Variants in AKAIN1 observed in about 807,000 individuals in gnomAD.
AKAIN1 encodes the protein A-kinase anchor inhibitor 1.
In AKAIN1, 3 loss-of-function variants were observed where a neutral mutation model predicts 3.7. The observed-to-expected ratio is 0.82, with a 90% CI of 0.37 to 2.12. The LOEUF is 2.12. AKAIN1 is among the 30% of genes most tolerant of loss of function. The pLI, the probability that AKAIN1 is intolerant of heterozygous loss-of-function variation, is 0.06. For missense variants in AKAIN1, 82 were observed against 82.7 expected (o/e 0.99, Z 0.03); for synonymous variants, 31 against 30.8 (o/e 1.01, Z -0.02).
intron 1 of AKAIN1, among the ~76,000 whole-genome samples, chr18:5,189,539 T>C (rs1455918552): frequency 1.3e-5 from 2 of 152,196 alleles, no homozygotes; most frequent in Non-Finnish European, 2.9e-5. Flanking sequence ...AATTCATCAC[T>C]CTTAAATTCT....
In AKAIN1 at chr18:5,145,647, T is replaced by C; in HGVS notation, c.125A>G (p.Gln42Arg). 3.2e-6 allele frequency: 5 copies of C among 1,551,668 alleles called. No homozygotes were observed. Among genetic ancestry groups the C allele is most frequent in the Non-Finnish European group, 4.4e-6 (5 of 1,146,920 alleles). ...GTCACTGATTCTCTCTTCTCTGCGC[T>C]GACTCTCCTGGGAGACTTGCTGCAC... ...QAVQQVSQES[Q>R]RREERISDNR... is the part of the protein sequence containing the mutation. The change falls in exon 2 of 2, where the codon CAG becomes CGG. Residue 42 changes from glutamine to arginine, a missense_variant. By Grantham distance (43) the Gln-to-Arg change is conservative (BLOSUM62 1). Coordinates refer to ENST00000434239, the MANE Select transcript of AKAIN1 (RefSeq NM_001145194.2).
chr18:5,196,959 G>A (rs1018675172), intron 1 of AKAIN1, 79 bp downstream of exon 1: 30 of 1,250,688 alleles, frequency 2.4e-5, no homozygotes, highest in Non-Finnish European at 3.2e-5. Context: ...AAGGTAAAGA[G>A]GCCTTTTTTC....
chr18:5,173,531 T>C (rs971763102), intron 1 of AKAIN1, among the ~76,000 whole-genome samples: 3 of 152,144 alleles, frequency 2.0e-5, no homozygotes, highest in African/African-American at 4.8e-5. Context: ...TCAAGACAAC[T>C]GGTGGGGTGT....
At chr18:5,166,834 T>A (rs1470387686) in intron 1 of AKAIN1, among the ~76,000 whole-genome samples, 2 of 152,106 alleles carry the variant, frequency 1.3e-5, no homozygotes, top group African/African-American at 4.8e-5. Flanking sequence ...AGCATCTGTT[T>A]CCTCTTGAAT....
intron 1 of AKAIN1, among the ~76,000 whole-genome samples, chr18:5,174,920 A>G (rs528995549): frequency 6.6e-6 from 1 of 152,092 alleles, no homozygotes; most frequent in South Asian, 2.1e-4. Flanking sequence ...GATTTGAGGG[A>G]CTATCCTGTG....
chr18:5,183,592 C>A (rs551782414), intron 1 of AKAIN1, among the ~76,000 whole-genome samples: 15 of 151,620 alleles, frequency 9.9e-5, no homozygotes, highest in Non-Finnish European at 1.5e-4. Context: ...TAAAAAAAAA[C>A]CCAGTGTTGA....
intron 1 of AKAIN1, among the ~76,000 whole-genome samples, chr18:5,174,959 G>A (rs1335965974): frequency 1.3e-5 from 2 of 152,090 alleles, no homozygotes; most frequent in Non-Finnish European, 2.9e-5. Flanking sequence ...AGCATTCCTA[G>A]CCTCCCTTGA....
chr18:5,194,943 A>T (rs1215655268), intron 1 of AKAIN1, among the ~76,000 whole-genome samples: 11 of 152,210 alleles, frequency 7.2e-5, no homozygotes, highest in Non-Finnish European at 5.9e-5. Flanking sequence ...GCAAGAAATG[A>T]GGTTGCAGTG....
At chr18:5,162,816 G>A (rs1194159697) in intron 1 of AKAIN1, among the ~76,000 whole-genome samples, 2 of 151,970 alleles carry the variant, frequency 1.3e-5, no homozygotes, top group Admixed American at 6.6e-5. Context: ...AGAGAACAAA[G>A]GGAAAAGTGA....
chr18:5,164,017 A>T (rs2071154083), intron 1 of AKAIN1, among the ~76,000 whole-genome samples: 1 of 152,036 alleles, frequency 6.6e-6, no homozygotes, highest in South Asian at 2.1e-4. Flanking sequence ...GTGTACTTCT[A>T]TCAAGTGAAC....
chr18:5,170,404 C>A (rs550339912), intron 1 of AKAIN1, among the ~76,000 whole-genome samples: 1 of 152,204 alleles, frequency 6.6e-6, no homozygotes, highest in East Asian at 1.9e-4. Flanking sequence ...ATCATGGCCC[C>A]AGTTCTTTCA....
rs1400479489 is a variant in AKAIN1 at position 5,144,587 on chromosome 18, C to T, written c.*975G>A. Among the ~76,000 whole-genome samples, 3 of 152,118 alleles carry T rather than the reference C, an allele frequency of 2.0e-5. No homozygotes were observed. Among genetic ancestry groups the T allele is most frequent in the African/African-American group, 7.2e-5 (3 of 41,416 alleles). ...ATGTATTCCTGACCTGTATGATTTT[C>T]ATAATCTCAAAAAAAAAATTTAATG... On this transcript the variant is annotated 3_prime_UTR_variant, in exon 2 of 2. Coordinates refer to ENST00000434239, the MANE Select transcript of AKAIN1 (RefSeq NM_001145194.2).
intron 1 of AKAIN1, 95 bp from the exon 2 acceptor site, chr18:5,145,850 G>A: frequency 9.6e-7 from 1 of 1,040,698 alleles, no homozygotes. Flanking sequence ...AGGGAAGAGT[G>A]AGACTGTAAG....
intron 1 of AKAIN1, among the ~76,000 whole-genome samples, chr18:5,189,756 C>CTTT (rs112388700): frequency 6.7e-6 from 1 of 148,688 alleles, no homozygotes; most frequent in Admixed American, 6.7e-5. Context: ...CTACAGCTCT[C>CTTT]TTTTTTTTTT....
At chr18:5,196,962 CT>C (rs1369153022) in intron 1 of AKAIN1, 75 bp downstream of exon 1, 10 of 1,335,284 alleles carry the variant, frequency 7.5e-6, no homozygotes, top group South Asian at 2.5e-5. Flanking sequence ...GTAAAGAGGC[CT>C]TTTTTCCCTC....
chr18:5,170,889 G>A (rs1199910245), intron 1 of AKAIN1: 2 of 152,176 alleles, frequency 1.3e-5, no homozygotes, highest in South Asian at 2.1e-4. Context: ...CCACATGCAA[G>A]TGTTCCAATC....
At chr18:5,195,908 C>G (rs559980809) in intron 1 of AKAIN1, among the ~76,000 whole-genome samples, 2 of 152,268 alleles carry the variant, frequency 1.3e-5, no homozygotes, top group African/African-American at 4.8e-5. Context: ...CCAGAGCCTA[C>G]AGAAACTCAT....
chr18:5,147,267 A>T (rs995951867), intron 1 of AKAIN1, among the ~76,000 whole-genome samples: 2 of 152,102 alleles, frequency 1.3e-5, no homozygotes, highest in African/African-American at 4.8e-5. Context: ...TCAGATGCCC[A>T]CCTCCAGGCC....
chr18:5,162,621 G>C (rs918529666), intron 1 of AKAIN1, among the ~76,000 whole-genome samples: 6 of 116,062 alleles, frequency 5.2e-5, no homozygotes, highest in African/African-American at 2.3e-4. Flanking sequence ...AGTTCAATGT[G>C]ATGCGTGTGT....
Sources: allele counts gnomAD v4.1 joint callset (sites outside exome capture counted in the v4.1 genomes callset), GRCh38; gene constraint gnomAD v4.1.1; transcripts MANE v1.5; gene names NCBI Gene and HGNC (gene_info 2026-07-23, HGNC 2026-07-21).